The following PSD3 variants were observed in gnomAD, a reference collection of about 807,000 sequenced individuals.
The protein encoded by PSD3 is PH and SEC7 domain-containing protein 3.
A neutral mutation model predicts 105.5 loss-of-function variants in PSD3; 49 were observed. That is an observed-to-expected ratio of 0.46 (90% confidence interval 0.37 to 0.59). The LOEUF is 0.59. PSD3 is among the 20% of genes least tolerant of loss of function. The pLI is 0.00. For synonymous variants in PSD3, 557 were observed against 457.8 expected, an observed-to-expected ratio of 1.22 and a Z score of -2.77; for missense variants, 1,561 against 1,263.8, an observed-to-expected ratio of 1.24 and a Z score of -3.57.
chr8:18,623,229 T>C (rs932751163), intron 11 of PSD3, among the ~76,000 whole-genome samples: 1 of 118,618 alleles, frequency 8.4e-6, no homozygotes. Context: ...AGTTTTCTAA[T>C]TGTAATTTTC....
intron 1 of PSD3, among the ~76,000 whole-genome samples, chr8:19,063,845 A>G (rs1308100336): frequency 6.6e-6 from 1 of 152,124 alleles, no homozygotes; most frequent in African/African-American, 2.4e-5. Context: ...GATACAGCAC[A>G]AAAAAGAAAT....
intron 8 of PSD3, among the ~76,000 whole-genome samples, chr8:18,779,705 TA>T (rs1287840661): frequency 6.6e-6 from 1 of 152,198 alleles, no homozygotes; most frequent in African/African-American, 2.4e-5. Flanking sequence ...TGATGGCTCA[TA>T]ATTGTGGCTT....
intron 1 of PSD3, among the ~76,000 whole-genome samples, chr8:18,949,244 A>AAAAAAAAAATATATAT (rs1345423514): frequency 4.9e-4 from 7 of 14,400 alleles, no homozygotes; most frequent in Non-Finnish European, 1.1e-3. Flanking sequence ...AAAAAAAAAA[A>AAAAAAAAAATATATAT]ATATATATAT....
At chr8:18,978,277 C>T (rs1400712920) in intron 1 of PSD3, among the ~76,000 whole-genome samples, 1 of 152,194 alleles carries the variant, frequency 6.6e-6, no homozygotes, top group East Asian at 1.9e-4. Flanking sequence ...AAATCCATAA[C>T]GGACTCTGAG....
At chr8:18,937,213 A>G (rs1434032984) in intron 1 of PSD3, among the ~76,000 whole-genome samples, 2 of 152,152 alleles carry the variant, frequency 1.3e-5, no homozygotes, top group African/African-American at 4.8e-5. Flanking sequence ...TCAAGACACA[A>G]AGAAATTTGA....
At chr8:19,029,910 C>A (rs746601883) in intron 1 of PSD3, among the ~76,000 whole-genome samples, 3 of 152,128 alleles carry the variant, frequency 2.0e-5, no homozygotes, top group Non-Finnish European at 2.9e-5. Flanking sequence ...AAATTAAAAT[C>A]TTAATAATGA....
intron 1 of PSD3, among the ~76,000 whole-genome samples, chr8:19,007,361 G>A (rs1442238890): frequency 2.6e-5 from 4 of 151,986 alleles, no homozygotes; most frequent in Admixed American, 1.3e-4. Flanking sequence ...AGTTACTAGC[G>A]GCCTGAAGCT....
intron 9 of PSD3, among the ~76,000 whole-genome samples, chr8:18,702,933 G>A (rs946678360): frequency 6.6e-6 from 1 of 152,042 alleles, no homozygotes; most frequent in Non-Finnish European, 1.5e-5. Context: ...CTCTTTATAA[G>A]AGGCATTTTA....
At chr8:18,582,044 C>G (rs772670828) in intron 12 of PSD3, among the ~76,000 whole-genome samples, 2 of 152,002 alleles carry the variant, frequency 1.3e-5, no homozygotes, top group African/African-American at 2.4e-5. Flanking sequence ...ACTTACTTTA[C>G]TTTAGAGTTC....
chr8:18,667,757 G>C (rs1185662554), intron 9 of PSD3, among the ~76,000 whole-genome samples: 1 of 152,208 alleles, frequency 6.6e-6, no homozygotes, highest in Non-Finnish European at 1.5e-5. Flanking sequence ...GGCTCAGGCG[G>C]GGCAAGGAGC....
At chr8:19,012,512 C>G (rs1826999440) in intron 1 of PSD3, among the ~76,000 whole-genome samples, 1 of 152,158 alleles carries the variant, frequency 6.6e-6, no homozygotes, top group Non-Finnish European at 1.5e-5. Flanking sequence ...CAACCCCTCC[C>G]TTTCAAGGTC....
At chr8:18,822,834 A>G (rs975612297) in intron 4 of PSD3, among the ~76,000 whole-genome samples, 1 of 152,202 alleles carries the variant, frequency 6.6e-6, no homozygotes, top group Non-Finnish European at 1.5e-5. Flanking sequence ...TCAAATAAAA[A>G]AATCCATGTC....
chr8:18,756,619 A>G (rs375606055), intron 9 of PSD3, among the ~76,000 whole-genome samples: 112 of 152,118 alleles, frequency 7.4e-4, no homozygotes, highest in Middle Eastern at 3.4e-3. Flanking sequence ...AGTTGTTCCA[A>G]TTTCTTTTTT....
intron 4 of PSD3, among the ~76,000 whole-genome samples, chr8:18,853,543 A>G (rs549189347): frequency 5.4e-4 from 81 of 149,274 alleles, no homozygotes; most frequent in African/African-American, 1.6e-3. Flanking sequence ...CTCCAGGGGG[A>G]AAAAAAAAAC....
At chr8:18,832,098 A>G (rs1813725078) in intron 4 of PSD3, among the ~76,000 whole-genome samples, 1 of 152,172 alleles carries the variant, frequency 6.6e-6, no homozygotes, top group African/African-American at 2.4e-5. Flanking sequence ...GTTTTCCTCC[A>G]ACTGCCTTTT....
chr8:19,006,130 TAAAAATAC>T (rs1826668422), intron 1 of PSD3, among the ~76,000 whole-genome samples: 1 of 151,136 alleles, frequency 6.6e-6, no homozygotes, highest in Admixed American at 6.6e-5. Flanking sequence ...CCGTCTCTAT[TAAAAATAC>T]AAAAATTAGC....
chr8:18,746,245 C>T (rs1400315246), intron 9 of PSD3, among the ~76,000 whole-genome samples: 1 of 152,144 alleles, frequency 6.6e-6, no homozygotes, highest in Non-Finnish European at 1.5e-5. Flanking sequence ...TGCATACTTA[C>T]AAACCAATCA....
At chr8:19,066,712 C>A (rs573327505) in intron 1 of PSD3, among the ~76,000 whole-genome samples, 2 of 152,184 alleles carry the variant, frequency 1.3e-5, no homozygotes, top group Non-Finnish European at 2.9e-5. Context: ...AAACTAGAAA[C>A]AATAATAGAA....
intron 10 of PSD3, among the ~76,000 whole-genome samples, chr8:18,633,428 A>G (rs529748784): frequency 3.0e-4 from 46 of 152,226 alleles, no homozygotes; most frequent in South Asian, 8.3e-4. Context: ...CCATAAAAAT[A>G]GTCCCCAACA....
Sources: gnomAD v4.1 joint callset for allele counts (sites outside exome capture counted in the v4.1 genomes callset) on GRCh38, gnomAD v4.1.1 for gene constraint, MANE v1.5 for transcripts, NCBI Gene and HGNC (gene_info 2026-07-23, HGNC 2026-07-21) for gene names.